Variants in BCAS1 observed in about 807,000 individuals in gnomAD.
BCAS1 encodes the protein brain enriched myelin associated protein 1.
BCAS1 carries 46 observed loss-of-function variants against 65.4 expected under a neutral mutation model. That is an observed-to-expected ratio of 0.70 (90% confidence interval 0.55 to 0.90). The LOEUF (loss-of-function observed/expected upper bound fraction) is 0.90. Ranked by LOEUF, BCAS1 falls within the 40% of genes least tolerant of loss-of-function variation. The probability of loss-of-function intolerance (pLI) is 0.00; values close to 1 mark genes in which losing one functional copy is unlikely to be tolerated. For synonymous variants in BCAS1, 298 were observed against 293.5 expected, an observed-to-expected ratio of 1.02 and a Z score of -0.16; for missense variants, 793 against 771.2, an observed-to-expected ratio of 1.03 and a Z score of -0.33.
At chr20:53,977,480 A>C (rs1166322649) in intron 8 of BCAS1, among the ~76,000 whole-genome samples, 1 of 152,172 alleles carries the variant, frequency 6.6e-6, no homozygotes, top group Non-Finnish European at 1.5e-5. Context: ...TAAGAACAGC[A>C]CTTCTAGGTT....
intron 3 of BCAS1, 117 bp downstream of exon 3, chr20:54,057,968 T>C: frequency 1.2e-6 from 1 of 800,386 alleles, no homozygotes; most frequent in African/African-American, 1.8e-5. Flanking sequence ...GCAAGTATTT[T>C]CAAACTGAGC....
intron 3 of BCAS1, among the ~76,000 whole-genome samples, chr20:54,049,349 G>C (rs1426148790): frequency 3.3e-5 from 5 of 152,124 alleles, no homozygotes; most frequent in Non-Finnish European, 7.3e-5. Context: ...GTCCTGGCAG[G>C]GAAGGCATGT....
chr20:54,006,280 A>AG (rs1328209086), intron 4 of BCAS1, among the ~76,000 whole-genome samples: 1 of 152,188 alleles, frequency 6.6e-6, no homozygotes, highest in African/African-American at 2.4e-5. Context: ...CACATGCACT[A>AG]GGGGAGGACG....
At chr20:53,961,498 T>G (rs1252457254) in intron 10 of BCAS1, among the ~76,000 whole-genome samples, 1 of 152,196 alleles carries the variant, frequency 6.6e-6, no homozygotes, top group Non-Finnish European at 1.5e-5. Flanking sequence ...CCAAGGTAAA[T>G]TTTGTTTTAG....
At chr20:54,028,189 CTGTTATTG>C in intron 4 of BCAS1, 195 bp downstream of exon 4, 1 of 606,364 alleles carries the variant, frequency 1.6e-6, no homozygotes, top group Non-Finnish European at 2.9e-6. Flanking sequence ...GATGCCACAG[CTGTTATTG>C]TTCTTCACAC....
chr20:54,068,996 T>TA (rs965538088), intron 1 of BCAS1, among the ~76,000 whole-genome samples: 27 of 152,282 alleles, frequency 1.8e-4, no homozygotes, highest in African/African-American at 6.0e-4. Flanking sequence ...GCCTTTTTCC[T>TA]AAAAACAAAA....
intron 3 of BCAS1, among the ~76,000 whole-genome samples, chr20:54,037,439 G>T (rs1319470781): frequency 2.0e-5 from 3 of 151,354 alleles, no homozygotes; most frequent in African/African-American, 7.3e-5. Flanking sequence ...AATTCCAGAT[G>T]AGATTTGGGT....
At chr20:54,049,720 T>G (rs892259396) in intron 3 of BCAS1, among the ~76,000 whole-genome samples, 1 of 152,122 alleles carries the variant, frequency 6.6e-6, no homozygotes, top group East Asian at 1.9e-4. Flanking sequence ...AGCCTCTACT[T>G]TTAGTTTTGC....
At chr20:53,960,952 C>T (rs970172117) in intron 10 of BCAS1, among the ~76,000 whole-genome samples, 1 of 152,184 alleles carries the variant, frequency 6.6e-6, no homozygotes, top group Non-Finnish European at 1.5e-5. Context: ...CAGAGATTTT[C>T]CAGTGTGATA....
At chr20:54,033,135 G>C (rs1205340648) in intron 3 of BCAS1, among the ~76,000 whole-genome samples, 1 of 150,916 alleles carries the variant, frequency 6.6e-6, no homozygotes, top group Non-Finnish European at 1.5e-5. Flanking sequence ...AGAATCTTTG[G>C]GACACAGCTA....
intron 7 of BCAS1, 99 bp from the exon 8 acceptor site, chr20:53,985,598 A>C: frequency 9.7e-7 from 1 of 1,032,264 alleles, no homozygotes; most frequent in Non-Finnish European, 1.4e-6. Context: ...GAGGTTATAC[A>C]TAATGTTAAT....
At chr20:54,042,385 C>A (rs548685956) in intron 3 of BCAS1, among the ~76,000 whole-genome samples, 5 of 151,994 alleles carry the variant, frequency 3.3e-5, no homozygotes, top group Non-Finnish European at 7.4e-5. Flanking sequence ...GTAATCTGAA[C>A]CTAGATAAAA....
chr20:54,034,247 A>G (rs951775625), intron 3 of BCAS1, among the ~76,000 whole-genome samples: 11 of 151,132 alleles, frequency 7.3e-5, no homozygotes, highest in Admixed American at 5.3e-4. Context: ...CTCTCTCACC[A>G]CTCCTATTCA....
At chr20:53,977,786 G>T (rs947780921) in intron 8 of BCAS1, among the ~76,000 whole-genome samples, 2 of 152,150 alleles carry the variant, frequency 1.3e-5, no homozygotes, top group African/African-American at 4.8e-5. Context: ...TATTTTTAAA[G>T]TCAGACTACT....
At chr20:53,991,895 TCTC>T (rs3831643) in intron 7 of BCAS1, among the ~76,000 whole-genome samples, 6,202 of 152,260 alleles carry the variant, frequency 0.041, 513 homozygotes, top group East Asian at 0.36. Flanking sequence ...TGAAACCACT[TCTC>T]CTTTTCCAAC....
intron 4 of BCAS1, among the ~76,000 whole-genome samples, chr20:54,020,548 T>C (rs919256883): frequency 6.6e-6 from 1 of 152,206 alleles, no homozygotes; most frequent in Admixed American, 6.5e-5. Context: ...CCTAACAGTC[T>C]GAAAAGTTGA....
At chr20:53,993,790 A>G (rs2090827738) in intron 6 of BCAS1, among the ~76,000 whole-genome samples, 1 of 152,250 alleles carries the variant, frequency 6.6e-6, no homozygotes, top group Non-Finnish European at 1.5e-5. Context: ...AGGAAAATGC[A>G]TGTAGATGCT....
intron 1 of BCAS1, chr20:54,068,379 G>A (rs1271195729): frequency 1.3e-5 from 2 of 154,354 alleles, no homozygotes; most frequent in African/African-American, 2.4e-5. Flanking sequence ...CTTACTATGT[G>A]CCAGGCAGCA....
intron 3 of BCAS1, among the ~76,000 whole-genome samples, chr20:54,055,667 G>A (rs1282450181): frequency 6.6e-6 from 1 of 152,182 alleles, no homozygotes; most frequent in East Asian, 1.9e-4. Context: ...ATCTAAAAAA[G>A]TGAAAGAAGG....
Sources: gnomAD v4.1 joint callset for allele counts (sites outside exome capture counted in the v4.1 genomes callset) on GRCh38, gnomAD v4.1.1 for gene constraint, MANE v1.5 for transcripts, NCBI Gene and HGNC (gene_info 2026-07-23, HGNC 2026-07-21) for gene names.